ZRANB3: variants seen among roughly 807,000 people sequenced by gnomAD.
ZRANB3 encodes the protein zinc finger RANBP2-type containing 3, also known as DNA annealing helicase and endonuclease ZRANB3.
A neutral mutation model predicts 133.8 loss-of-function variants in ZRANB3; 125 were observed. The observed-to-expected ratio is 0.93, with a 90% confidence interval of 0.81 to 1.08. The LOEUF (loss-of-function observed/expected upper bound fraction) is 1.08. Among genes scored for constraint, ZRANB3 ranks in the 50% least tolerant of loss-of-function variants. The probability of loss-of-function intolerance (pLI) is 0.00; values close to 1 mark genes in which losing one functional copy is unlikely to be tolerated. For missense variants in ZRANB3, 1,229 were observed against 1,275.5 expected (o/e 0.96, Z 0.56); for synonymous variants, 387 against 432.7 (o/e 0.89, Z 1.31).
Position 135,419,392 on chromosome 2 carries a change from ATGTG to A in ZRANB3, c.162-28576_162-28573del, listed in dbSNP as rs576960303. On this transcript the variant is annotated intron_variant, in intron 2 of 20. Transcript: ENST00000264159. The stretch of plus-strand genomic sequence containing the variant: ...CATACACACGTGTGTGTGTGTGTTT[ATGTG>A]TGTGTGTGTGTGTACAGAGAAAGAG... 6.0e-5 allele frequency among the ~76,000 whole-genome samples: 9 copies of A among 150,168 alleles called. No individual in the cohort carries two copies. The South Asian group carries it at 1.3e-3, about 21-fold the overall frequency.
At chr2:135,414,399 G>C (rs1252779624) in intron 2 of ZRANB3, among the ~76,000 whole-genome samples, 1 of 152,154 alleles carries the variant, frequency 6.6e-6, no homozygotes, top group African/African-American at 2.4e-5. Context: ...AACAAGAAGA[G>C]CTAACTATCC....
intron 2 of ZRANB3, among the ~76,000 whole-genome samples, chr2:135,503,611 G>A (rs575194406): frequency 6.6e-5 from 10 of 152,162 alleles, no homozygotes; most frequent in Admixed American, 4.6e-4. Context: ...AGTAGTATAA[G>A]GTACTCATAA....
intron 6 of ZRANB3, among the ~76,000 whole-genome samples, chr2:135,332,624 T>C (rs1684200018): frequency 6.6e-6 from 1 of 152,170 alleles, no homozygotes; most frequent in Non-Finnish European, 1.5e-5. Context: ...TTGTCTTCAA[T>C]GACCCTCTAA....
At chr2:135,385,907 A>T (rs1686949209) in intron 3 of ZRANB3, among the ~76,000 whole-genome samples, 1 of 152,210 alleles carries the variant, frequency 6.6e-6, no homozygotes. Context: ...AAACCTAGGC[A>T]ATACCATTCA....
intron 2 of ZRANB3, among the ~76,000 whole-genome samples, chr2:135,499,328 G>A (rs771093300): frequency 5.9e-5 from 9 of 152,050 alleles, no homozygotes; most frequent in South Asian, 2.1e-4. Context: ...GAATGAATGC[G>A]GATAAAGATT....
intron 2 of ZRANB3, among the ~76,000 whole-genome samples, chr2:135,472,912 T>C (rs1403850639): frequency 1.3e-5 from 2 of 152,336 alleles, no homozygotes; most frequent in South Asian, 2.1e-4. Context: ...TAGCCTTATA[T>C]ATGTAACACT....
chr2:135,402,068 T>C (rs1375349353), intron 2 of ZRANB3, among the ~76,000 whole-genome samples: 1 of 151,932 alleles, frequency 6.6e-6, no homozygotes, highest in Non-Finnish European at 1.5e-5. Flanking sequence ...GCTATAAGTA[T>C]ATGAAATTTT....
chr2:135,402,711 G>A (rs1287428084), intron 2 of ZRANB3, among the ~76,000 whole-genome samples: 1 of 151,842 alleles, frequency 6.6e-6, no homozygotes, highest in Non-Finnish European at 1.5e-5. Flanking sequence ...TCAGCCTCCT[G>A]AGTAGCTGGA....
At chr2:135,426,309 GA>G (rs1462914872) in intron 2 of ZRANB3, among the ~76,000 whole-genome samples, 2 of 152,060 alleles carry the variant, frequency 1.3e-5, no homozygotes, top group Non-Finnish European at 2.9e-5. Flanking sequence ...AATTGAGGGG[GA>G]GGGACTCCTC....
chr2:135,362,743 C>A (rs1241677042), intron 3 of ZRANB3, among the ~76,000 whole-genome samples: 2 of 152,186 alleles, frequency 1.3e-5, no homozygotes, highest in East Asian at 3.8e-4. Flanking sequence ...CTGGCCTCAG[C>A]CTCCAGAGTA....
At chr2:135,299,449 T>C (rs568973941) in intron 8 of ZRANB3, among the ~76,000 whole-genome samples, 111 of 152,298 alleles carry the variant, frequency 7.3e-4, no homozygotes, top group Non-Finnish European at 8.7e-4. Flanking sequence ...TGCTTGTATC[T>C]GCACTTCCCA....
At chr2:135,268,331 A>AT (rs1156982325) in intron 11 of ZRANB3, among the ~76,000 whole-genome samples, 1 of 151,704 alleles carries the variant, frequency 6.6e-6, no homozygotes, top group Non-Finnish European at 1.5e-5. Context: ...TGCCCAGCTA[A>AT]TTTTTTTGTA....
rs182801987 is a variant in ZRANB3 at position 135,359,558 on chromosome 2, G to A, written c.181-5930C>T. Among the ~76,000 whole-genome samples, 12 of 149,710 alleles carry A rather than the reference G, an allele frequency of 8.0e-5. No homozygotes were observed. In the East Asian group the frequency reaches 2.2e-3, roughly 27 times the overall value. On this transcript the variant is annotated intron_variant, in intron 3 of 20. Coordinates refer to ENST00000264159, the MANE Select transcript of ZRANB3 (RefSeq NM_032143.4). ...TTACCACGTCACTGCACTCCAGCCT[G>A]GGTGACAGAATGAGACCCTGAAAAA...
At chr2:135,512,623 C>G (rs1026346299) in intron 1 of ZRANB3, among the ~76,000 whole-genome samples, 1 of 150,866 alleles carries the variant, frequency 6.6e-6, no homozygotes, top group East Asian at 1.9e-4. Context: ...TTCATAAACA[C>G]TGAAAGTAAA....
chr2:135,278,910 G>A (rs1680968925), intron 8 of ZRANB3, among the ~76,000 whole-genome samples: 1 of 152,074 alleles, frequency 6.6e-6, no homozygotes, highest in African/African-American at 2.4e-5. Flanking sequence ...TTTCATGGAA[G>A]GATGGAAATA....
intron 2 of ZRANB3, among the ~76,000 whole-genome samples, chr2:135,423,187 C>G (rs57271805): frequency 6.6e-6 from 1 of 152,178 alleles, no homozygotes; most frequent in Non-Finnish European, 1.5e-5. Context: ...AATCCCAACA[C>G]TTTGGAAGGC....
At chr2:135,511,598 G>A (rs1401255102) in intron 1 of ZRANB3, 2 of 833,314 alleles carry the variant, frequency 2.4e-6, no homozygotes, top group South Asian at 1.3e-5. Flanking sequence ...GACCCCTCAG[G>A]AGCAAGTACG....
intron 17 of ZRANB3, among the ~76,000 whole-genome samples, chr2:135,209,446 G>C (rs974996421): frequency 1.3e-5 from 2 of 152,152 alleles, no homozygotes; most frequent in Non-Finnish European, 2.9e-5. Flanking sequence ...GGTAAACTGA[G>C]TTTCTTTTTA....
intron 12 of ZRANB3, among the ~76,000 whole-genome samples, chr2:135,236,919 C>T (rs1695313449): frequency 6.6e-6 from 1 of 152,128 alleles, no homozygotes; most frequent in African/African-American, 2.4e-5. Flanking sequence ...GTAATGGCAA[C>T]AAAAGCCAAA....
Sources: allele counts gnomAD v4.1 joint callset (sites outside exome capture counted in the v4.1 genomes callset), GRCh38; gene constraint gnomAD v4.1.1; transcripts MANE v1.5; gene names NCBI Gene and HGNC (gene_info 2026-07-23, HGNC 2026-07-21).